Variants in MALRD1 observed in about 807,000 individuals in gnomAD.
The protein encoded by MALRD1 is MAM and LDL receptor class A domain containing 1.
Under a neutral mutation model 242.1 loss-of-function variants are expected in MALRD1, and 247 were observed. The observed-to-expected ratio is 1.02, with a 90% CI of 0.92 to 1.13. The LOEUF (loss-of-function observed/expected upper bound fraction) is 1.13. MALRD1 is among the 50% of genes most tolerant of loss of function. The pLI is 0.00. For missense variants in MALRD1, 2,989 were observed against 2,533.1 expected, an observed-to-expected ratio of 1.18 and a Z score of -3.86; for synonymous variants, 995 against 866.6, an observed-to-expected ratio of 1.15 and a Z score of -2.60.
At chr10:19,270,332 T>TCACACACA (rs1198896770) in intron 19 of MALRD1, among the ~76,000 whole-genome samples, 3 of 72,592 alleles carry the variant, frequency 4.1e-5, no homozygotes, top group African/African-American at 1.4e-4. Context: ...TCTCTCTCTC[T>TCACACACA]CTCTCACACA....
chr10:19,427,412 A>G (rs1372673329), intron 28 of MALRD1, among the ~76,000 whole-genome samples: 1 of 152,228 alleles, frequency 6.6e-6, no homozygotes, highest in Non-Finnish European at 1.5e-5. Flanking sequence ...TCAGCAGTTA[A>G]AATGTCCAGA....
At chr10:19,690,658 C>G (rs1255925732) in intron 36 of MALRD1, among the ~76,000 whole-genome samples, 1 of 151,712 alleles carries the variant, frequency 6.6e-6, no homozygotes, top group African/African-American at 2.4e-5. Flanking sequence ...TTATTTCAGT[C>G]TAGTTTAACT....
intron 20 of MALRD1, among the ~76,000 whole-genome samples, chr10:19,281,739 A>G (rs1840822085): frequency 6.6e-6 from 1 of 152,170 alleles, no homozygotes; most frequent in Non-Finnish European, 1.5e-5. Flanking sequence ...TGGGAGGCCA[A>G]GGTGAGCAGA....
intron 31 of MALRD1, among the ~76,000 whole-genome samples, chr10:19,523,942 A>G (rs1446918454): frequency 6.6e-6 from 1 of 152,234 alleles, no homozygotes; most frequent in Admixed American, 6.5e-5. Flanking sequence ...GTCTCAAAAG[A>G]GATTAATGCC....
At chr10:19,121,708 C>T (rs531402285) in intron 5 of MALRD1, among the ~76,000 whole-genome samples, 3 of 152,216 alleles carry the variant, frequency 2.0e-5, no homozygotes, top group Non-Finnish European at 2.9e-5. Flanking sequence ...CAGAGAAGGG[C>T]ATGGAGAGTT....
chr10:19,350,548 A>G (rs1283715543), intron 25 of MALRD1, among the ~76,000 whole-genome samples: 2 of 151,996 alleles, frequency 1.3e-5, no homozygotes, highest in Non-Finnish European at 1.5e-5. Flanking sequence ...AAGTGAGGGG[A>G]TTACAGGTGT....
chr10:19,353,631 C>T (rs897136359), intron 26 of MALRD1, among the ~76,000 whole-genome samples: 2 of 152,244 alleles, frequency 1.3e-5, no homozygotes, highest in Admixed American at 6.5e-5. Context: ...AGCAAATAAA[C>T]ATTTTAAGAC....
chr10:19,590,397 T>C (rs1346010288), intron 33 of MALRD1, among the ~76,000 whole-genome samples: 1 of 147,798 alleles, frequency 6.8e-6, no homozygotes, highest in Non-Finnish European at 1.5e-5. Flanking sequence ...ATGTATATAT[T>C]TTATATAACA....
At chr10:19,221,825 G>C (rs1486633571) in intron 18 of MALRD1, among the ~76,000 whole-genome samples, 5 of 151,952 alleles carry the variant, frequency 3.3e-5, no homozygotes, top group African/African-American at 7.3e-5. Flanking sequence ...ATGTGGACTA[G>C]TGATAGCTCT....
Position 19,330,528 on chromosome 10 carries a change from A to G in MALRD1, c.3688-841A>G, listed in dbSNP as rs577518183. Among the ~76,000 whole-genome samples, 8 of 152,258 alleles carry G rather than the reference A, an allele frequency of 5.3e-5. No individual in the cohort carries two copies. The South Asian group carries it at 1.2e-3, about 24-fold the overall frequency. On this transcript the variant is annotated intron_variant, in intron 23 of 39. Transcript: ENST00000454679. ...GAAATATCTCAATATTTCTTATGTT[A>G]ACATATACATACTTAGCTTACAGAA...
At chr10:19,236,403 G>A (rs909522808) in intron 18 of MALRD1, among the ~76,000 whole-genome samples, 1 of 152,102 alleles carries the variant, frequency 6.6e-6, no homozygotes, top group African/African-American at 2.4e-5. Flanking sequence ...GGCAACCTGT[G>A]ACCACTCAAA....
In MALRD1 at chr10:19,065,064, G is replaced by A. The variant is rs993173760; in HGVS notation, c.200-1655G>A. ...GCACTTTGGGAGGCCGAGGCAGGTG[G>A]ATCACCTGAGGTCAGGAGTTCGAGA... On this transcript the variant is annotated intron_variant, in intron 1 of 39. Coordinates refer to ENST00000454679, the MANE Select transcript of MALRD1 (RefSeq NM_001142308.3). Among the ~76,000 whole-genome samples the A allele has an allele frequency of 5.9e-5, 9 of 151,926 alleles. No individual in the cohort carries two copies. The East Asian group carries it at 9.7e-4, about 16-fold the overall frequency.
intron 19 of MALRD1, among the ~76,000 whole-genome samples, chr10:19,277,023 G>C (rs1392549122): frequency 6.6e-6 from 1 of 152,088 alleles, no homozygotes; most frequent in Non-Finnish European, 1.5e-5. Flanking sequence ...CAACTCAAGT[G>C]ATTTTCCCAC....
At chr10:19,241,197 GGTT>G (rs144416098) in intron 18 of MALRD1, among the ~76,000 whole-genome samples, 73 of 151,742 alleles carry the variant, frequency 4.8e-4, no homozygotes, top group Non-Finnish European at 8.7e-4. Flanking sequence ...CCTGGGTGTT[GGTT>G]GTTGTTGTTG....
At chr10:19,651,460 G>A (rs890531440) in intron 36 of MALRD1, among the ~76,000 whole-genome samples, 1 of 152,084 alleles carries the variant, frequency 6.6e-6, no homozygotes, top group African/African-American at 2.4e-5. Context: ...TTAAAAGAAG[G>A]CCATTATTTG....
At chr10:19,242,765 T>C (rs1473367285) in intron 18 of MALRD1, among the ~76,000 whole-genome samples, 2 of 152,068 alleles carry the variant, frequency 1.3e-5, no homozygotes, top group African/African-American at 2.4e-5. Flanking sequence ...GCTTTTCATT[T>C]GTTTGCATAA....
At chr10:19,218,036 A>G (rs1435303915) in intron 18 of MALRD1, among the ~76,000 whole-genome samples, 1 of 151,954 alleles carries the variant, frequency 6.6e-6, no homozygotes, top group African/African-American at 2.4e-5. Flanking sequence ...TTTGTGCTCA[A>G]TTCTGGTTTC....
chr10:19,530,389 T>A (rs1464111649), intron 31 of MALRD1, among the ~76,000 whole-genome samples: 4 of 75,642 alleles, frequency 5.3e-5, no homozygotes, highest in African/African-American at 2.6e-4. Flanking sequence ...ATATTATATA[T>A]TTATATAAAT....
Position 19,466,121 on chromosome 10 carries a change from T to G in MALRD1, c.5029+15631T>G, listed in dbSNP as rs554642593. The stretch of plus-strand genomic sequence containing the variant: ...GAGCTAATTATTAAACATTTATTTT[T>G]CTTCTTTTGAGAATTACCCATTTAT... On this transcript the variant is annotated intron_variant, in intron 29 of 39. Coordinates refer to ENST00000454679, the MANE Select transcript of MALRD1 (RefSeq NM_001142308.3). Among the ~76,000 whole-genome samples the G allele has an allele frequency of 1.4e-4, 22 of 152,294 alleles. No individual in the cohort carries two copies. The South Asian group carries it at 4.1e-3, about 29-fold the overall frequency.
Sources: allele counts gnomAD v4.1 joint callset (sites outside exome capture counted in the v4.1 genomes callset), GRCh38; gene constraint gnomAD v4.1.1; transcripts MANE v1.5; gene names NCBI Gene and HGNC (gene_info 2026-07-23, HGNC 2026-07-21).